The following BCAR3 variants were observed in gnomAD, a reference collection of about 807,000 sequenced individuals.
BCAR3 encodes the protein BCAR3 adaptor protein, NSP family member.
Under a neutral mutation model 80.1 loss-of-function variants are expected in BCAR3, and 37 were observed. That is an observed-to-expected ratio of 0.46 (90% confidence interval 0.36 to 0.61). The LOEUF is 0.61. Among genes scored for constraint, BCAR3 ranks in the 20% least tolerant of loss-of-function variants. The pLI is 0.00. For synonymous variants in BCAR3, 389 were observed against 418.9 expected, an observed-to-expected ratio of 0.93 and a Z score of 0.87; for missense variants, 978 against 1,068.2, an observed-to-expected ratio of 0.92 and a Z score of 1.18.
intron 3 of BCAR3, among the ~76,000 whole-genome samples, chr1:93,697,115 G>A (rs1343918519): frequency 6.6e-6 from 1 of 152,242 alleles, no homozygotes; most frequent in Admixed American, 6.5e-5. Context: ...CTCAAAGGGA[G>A]TGGCCTCTCC....
chr1:93,836,968 A>AC (rs1220730275), intron 2 of BCAR3, among the ~76,000 whole-genome samples: 2 of 151,556 alleles, frequency 1.3e-5, no homozygotes, highest in African/African-American at 4.9e-5. Context: ...AAACTGCCCC[A>AC]CCCCATCTCC....
At chr1:93,714,543 G>A (rs1314220297) in intron 2 of BCAR3, among the ~76,000 whole-genome samples, 37 of 152,160 alleles carry the variant, frequency 2.4e-4, no homozygotes, top group Non-Finnish European at 2.9e-5. Context: ...GAGTCCTTCA[G>A]AACATAAGCT....
At chr1:93,601,436 T>C (rs1346859483) in intron 3 of BCAR3, among the ~76,000 whole-genome samples, 1 of 152,202 alleles carries the variant, frequency 6.6e-6, no homozygotes, top group South Asian at 2.1e-4. Flanking sequence ...AATGGTTCTA[T>C]AGATGCAGGG....
intron 2 of BCAR3, among the ~76,000 whole-genome samples, chr1:93,719,334 GTTT>G (rs1217381018): frequency 9.6e-5 from 7 of 73,204 alleles, no homozygotes; most frequent in African/African-American, 3.9e-4. Flanking sequence ...AAACTTTCTT[GTTT>G]TTTTTTTTTT....
chr1:93,797,459 T>C (rs1185544130), intron 2 of BCAR3, among the ~76,000 whole-genome samples: 1 of 152,162 alleles, frequency 6.6e-6, no homozygotes, highest in Non-Finnish European at 1.5e-5. Context: ...TAGTTAAGCT[T>C]TGTTAATAAT....
At chr1:93,827,738 G>A (rs868056542) in intron 2 of BCAR3, among the ~76,000 whole-genome samples, 3 of 151,884 alleles carry the variant, frequency 2.0e-5, no homozygotes, top group South Asian at 4.2e-4. Flanking sequence ...AAGGGAGGAG[G>A]GAAAGGAGGA....
chr1:93,738,755 AG>A (rs1205224958), intron 2 of BCAR3, among the ~76,000 whole-genome samples: 1 of 151,954 alleles, frequency 6.6e-6, no homozygotes, highest in Admixed American at 6.6e-5. Flanking sequence ...CAGCCAAGAC[AG>A]GGTGGGGCGG....
chr1:93,735,462 C>T (rs1571083385), intron 2 of BCAR3, among the ~76,000 whole-genome samples: 1 of 152,174 alleles, frequency 6.6e-6, no homozygotes, highest in Non-Finnish European at 1.5e-5. Flanking sequence ...CTTTTGCTTT[C>T]GGAGACCACA....
At chr1:93,832,806 C>A (rs1392007095) in intron 2 of BCAR3, among the ~76,000 whole-genome samples, 3 of 152,134 alleles carry the variant, frequency 2.0e-5, no homozygotes, top group African/African-American at 7.2e-5. Context: ...CTGCCCAGCT[C>A]GCTTATTAGG....
intron 2 of BCAR3, among the ~76,000 whole-genome samples, chr1:93,662,113 AGTCAG>A (rs1647689147): frequency 6.6e-6 from 1 of 152,234 alleles, no homozygotes; most frequent in Non-Finnish European, 1.5e-5. Flanking sequence ...ACTGCTCTGC[AGTCAG>A]GGGCAGATTC....
intron 2 of BCAR3, among the ~76,000 whole-genome samples, chr1:93,774,334 A>G (rs1652462024): frequency 6.6e-6 from 1 of 152,008 alleles, no homozygotes; most frequent in Non-Finnish European, 1.5e-5. Flanking sequence ...AAATACAAAA[A>G]TTAGCCGGGC....
At chr1:93,827,979 A>G (rs56797450) in intron 2 of BCAR3, among the ~76,000 whole-genome samples, 19,749 of 152,010 alleles carry the variant, frequency 0.13, 1,960 homozygotes, top group African/African-American at 0.27. Context: ...AGAAATCACA[A>G]TTCCTGCAGG....
At chr1:93,810,943 C>T (rs1381688875) in intron 2 of BCAR3, among the ~76,000 whole-genome samples, 2 of 152,178 alleles carry the variant, frequency 1.3e-5, no homozygotes, top group African/African-American at 4.8e-5. Flanking sequence ...AAACTCAAAT[C>T]TGATTCCCAG....
chr1:93,688,664 C>G (rs1571046314), intron 3 of BCAR3, among the ~76,000 whole-genome samples: 2 of 152,026 alleles, frequency 1.3e-5, no homozygotes, highest in South Asian at 4.1e-4. Flanking sequence ...GGAGCCATGA[C>G]AGCTCACTGC....
chr1:93,602,213 AG>A (rs1674645338), intron 3 of BCAR3: 1 of 151,876 alleles, frequency 6.6e-6, no homozygotes, highest in Non-Finnish European at 1.5e-5. Context: ...TCAGCCTCCC[AG>A]GTAGCCAGGA....
chr1:93,665,488 G>A (rs1031160225), intron 2 of BCAR3, among the ~76,000 whole-genome samples: 1 of 151,858 alleles, frequency 6.6e-6, no homozygotes. Flanking sequence ...GGCCTCCTCT[G>A]CTGACTCCCT....
At chr1:93,593,675 T>A (rs1674307061) in intron 3 of BCAR3, among the ~76,000 whole-genome samples, 1 of 152,126 alleles carries the variant, frequency 6.6e-6, no homozygotes, top group Non-Finnish European at 1.5e-5. Context: ...ATGCCCGGCC[T>A]ATTACACTAC....
At chr1:93,833,316 G>A (rs774326818) in intron 2 of BCAR3, among the ~76,000 whole-genome samples, 18 of 152,140 alleles carry the variant, frequency 1.2e-4, no homozygotes, top group Non-Finnish European at 2.6e-4. Flanking sequence ...AGTAGAGCAA[G>A]ATCACAAGGC....
At chr1:93,616,688 A>T (rs1403300140) in intron 3 of BCAR3, among the ~76,000 whole-genome samples, 3 of 152,204 alleles carry the variant, frequency 2.0e-5, no homozygotes, top group Non-Finnish European at 4.4e-5. Context: ...CTTTCTGATG[A>T]TCTGGTGTGT....
Sources: allele counts gnomAD v4.1 joint callset (sites outside exome capture counted in the v4.1 genomes callset), GRCh38; gene constraint gnomAD v4.1.1; transcripts MANE v1.5; gene names NCBI Gene and HGNC (gene_info 2026-07-23, HGNC 2026-07-21).